The following DIAPH3 variants were observed in gnomAD, a reference collection of about 807,000 sequenced individuals.
DIAPH3 encodes protein diaphanous homolog 3.
A neutral mutation model predicts 144.3 loss-of-function variants in DIAPH3; 117 were observed. The observed-to-expected ratio is 0.81, with a 90% CI of 0.70 to 0.95. The LOEUF is 0.95. DIAPH3 is among the 40% of genes least tolerant of loss of function. The pLI is 0.00. For missense variants in DIAPH3, 1,421 were observed against 1,412.7 expected, an observed-to-expected ratio of 1.01 and a Z score of -0.09; for synonymous variants, 519 against 488.9, an observed-to-expected ratio of 1.06 and a Z score of -0.81.
At chr13:60,060,504 C>T (rs559051752) in intron 4 of DIAPH3, among the ~76,000 whole-genome samples, 4 of 152,140 alleles carry the variant, frequency 2.6e-5, no homozygotes, top group African/African-American at 9.6e-5. Flanking sequence ...GAAGAAAGTA[C>T]TCACCCATAG....
chr13:59,817,256 T>C (rs201575753), intron 24 of DIAPH3, among the ~76,000 whole-genome samples: 1 of 151,956 alleles, frequency 6.6e-6, no homozygotes, highest in East Asian at 1.9e-4. Flanking sequence ...TCTTTAATGA[T>C]ATTTTTCTGC....
intron 1 of DIAPH3, among the ~76,000 whole-genome samples, chr13:60,150,133 C>G (rs1045976646): frequency 6.6e-6 from 1 of 152,060 alleles, no homozygotes; most frequent in African/African-American, 2.4e-5. Context: ...GCAATCCTCC[C>G]ACCTCAGCCT....
At chr13:59,839,095 AAAAT>A (rs547800811) in intron 23 of DIAPH3, 127 of 405,410 alleles carry the variant, frequency 3.1e-4, no homozygotes, top group Middle Eastern at 1.6e-3. Flanking sequence ...TGGGTTTCAA[AAAAT>A]AAATAAATAA....
At chr13:59,737,964 C>T (rs565403359) in intron 27 of DIAPH3, among the ~76,000 whole-genome samples, 20 of 152,118 alleles carry the variant, frequency 1.3e-4, no homozygotes, top group African/African-American at 3.1e-4. Context: ...GTCAGGAGTT[C>T]GAGACCAGCC....
chr13:60,045,787 A>AT (rs1298941675), intron 4 of DIAPH3, among the ~76,000 whole-genome samples: 1 of 152,190 alleles, frequency 6.6e-6, no homozygotes, highest in African/African-American at 2.4e-5. Context: ...GAATAAATAG[A>AT]TTTTTTTCTT....
intron 5 of DIAPH3, among the ~76,000 whole-genome samples, chr13:60,027,984 T>C (rs970829442): frequency 1.3e-5 from 2 of 152,168 alleles, no homozygotes; most frequent in African/African-American, 2.4e-5. Context: ...ACCCATGATC[T>C]TCCCTTGATT....
At chr13:59,717,125 G>A (rs1489832822) in intron 27 of DIAPH3, among the ~76,000 whole-genome samples, 1 of 152,126 alleles carries the variant, frequency 6.6e-6, no homozygotes, top group East Asian at 1.9e-4. Context: ...AGCAGTCCAG[G>A]AGGGTTGACA....
intron 23 of DIAPH3, among the ~76,000 whole-genome samples, chr13:59,834,248 T>C (rs1288260418): frequency 2.0e-5 from 3 of 151,660 alleles, no homozygotes; most frequent in Non-Finnish European, 4.4e-5. Flanking sequence ...CTATACCATA[T>C]CCAGAAAAAA....
At chr13:59,984,033 G>C (rs1366497785) in intron 12 of DIAPH3, 146 bp from the exon 13 acceptor site, 3 of 626,798 alleles carry the variant, frequency 4.8e-6, no homozygotes, top group East Asian at 2.6e-5. Context: ...TTTTACCTGG[G>C]AGTGAGAGTA....
chr13:60,133,319 T>C (rs1285637928), intron 1 of DIAPH3, among the ~76,000 whole-genome samples: 1 of 152,030 alleles, frequency 6.6e-6, no homozygotes, highest in African/African-American at 2.4e-5. Flanking sequence ...ACACAATGTA[T>C]CTGTCTGAGA....
intron 27 of DIAPH3, among the ~76,000 whole-genome samples, chr13:59,772,809 A>C (rs1439881425): frequency 6.6e-6 from 1 of 152,074 alleles, no homozygotes; most frequent in Non-Finnish European, 1.5e-5. Flanking sequence ...GGCTGAGTTC[A>C]TTATGCTGTT....
chr13:59,708,365 T>A (rs1273484629), intron 27 of DIAPH3, among the ~76,000 whole-genome samples: 1 of 152,194 alleles, frequency 6.6e-6, no homozygotes, highest in Non-Finnish European at 1.5e-5. Context: ...TTCTAATTTC[T>A]CTTACTCTCT....
In DIAPH3 at chr13:59,879,415, A is replaced by G; in HGVS notation, c.2421T>C (p.Leu807=). The G allele has an allele frequency of 6.2e-7, 1 of 1,613,856 alleles. No individual in the cohort carries two copies. Among genetic ancestry groups the G allele is most frequent in the Non-Finnish European group, 8.5e-7 (1 of 1,179,850 alleles). The change falls in exon 21 of 28, where the codon CTT becomes CTC. Residue 807 remains leucine, a synonymous_variant. Coordinates refer to ENST00000400324, the MANE Select transcript of DIAPH3 (RefSeq NM_001042517.2). The part of the protein sequence containing the change: ...RPRLSAILFK[L]QFEEQVNNIK... ...TGTTGTTCACCTGCTCTTCAAACTG[A>G]AGCTTAAAGAGAATAGCACTGAGCC...
chr13:59,834,268 T>C (rs185591350), intron 23 of DIAPH3, among the ~76,000 whole-genome samples: 1 of 151,870 alleles, frequency 6.6e-6, no homozygotes, highest in Admixed American at 6.6e-5. Flanking sequence ...ATGATTCTTT[T>C]AGAGCATCAC....
intron 27 of DIAPH3, among the ~76,000 whole-genome samples, chr13:59,763,934 G>A (rs1039057443): frequency 7.2e-5 from 11 of 151,868 alleles, no homozygotes; most frequent in Non-Finnish European, 1.2e-4. Flanking sequence ...CTCTTGCTCC[G>A]AGCTAGTACT....
At position 59,674,641 on chromosome 13, in the gene DIAPH3, C is replaced by T. The variant is rs369245602; in HGVS notation, c.3320-7795G>A. Among the ~76,000 whole-genome samples, 12 of 152,324 alleles carry T rather than the reference C, an allele frequency of 7.9e-5. No homozygotes were observed. The South Asian group carries it at 2.5e-3, about 32-fold the overall frequency. ...CCTCTAGGAAGAAGACTCAAATCTG[C>T]ATTTCCAGCCCTGACAACAGAGCTC... On this transcript the variant is annotated intron_variant, in intron 27 of 27. Transcript: ENST00000400324.
At chr13:59,882,940 G>A (rs1295210447) in intron 20 of DIAPH3, among the ~76,000 whole-genome samples, 1 of 152,184 alleles carries the variant, frequency 6.6e-6, no homozygotes, top group East Asian at 1.9e-4. Context: ...GATGTCATAT[G>A]TCAGAATGAA....
intron 17 of DIAPH3, among the ~76,000 whole-genome samples, chr13:59,956,345 C>T (rs1279684250): frequency 3.9e-5 from 6 of 152,134 alleles, no homozygotes; most frequent in African/African-American, 9.7e-5. Flanking sequence ...TATGCAGTCT[C>T]GGGACTTGGT....
At chr13:60,088,653 ACT>A (rs1385154067) in intron 4 of DIAPH3, among the ~76,000 whole-genome samples, 1 of 151,906 alleles carries the variant, frequency 6.6e-6, no homozygotes, top group Non-Finnish European at 1.5e-5. Context: ...ACAGGGTCTC[ACT>A]CTGTCACCCA....
Sources: allele counts gnomAD v4.1 joint callset (sites outside exome capture counted in the v4.1 genomes callset), GRCh38; gene constraint gnomAD v4.1.1; transcripts MANE v1.5; gene names NCBI Gene and HGNC (gene_info 2026-07-23, HGNC 2026-07-21).